The following TEAD1 variants were observed in gnomAD, a reference collection of about 807,000 sequenced individuals.
The protein encoded by TEAD1 is TEA domain transcription factor 1, also known as transcriptional enhancer factor TEF-1.
Under a neutral mutation model 54.9 loss-of-function variants are expected in TEAD1, and 9 were observed. That is an observed-to-expected ratio of 0.16 (90% CI 0.10 to 0.29). The LOEUF (loss-of-function observed/expected upper bound fraction) is 0.29, where lower values mean the gene tolerates loss of function less well. Among genes scored for constraint, TEAD1 ranks in the 10% least tolerant of loss-of-function variants. The pLI, the probability that TEAD1 is intolerant of heterozygous loss-of-function variation, is 1.00. For synonymous variants in TEAD1, 200 were observed against 187.8 expected (o/e 1.07, Z -0.53); for missense variants, 387 against 535.9 (o/e 0.72, Z 2.74).
intron 3 of TEAD1, among the ~76,000 whole-genome samples, chr11:12,765,957 G>C (rs758285282): frequency 3.9e-5 from 6 of 152,160 alleles, no homozygotes; most frequent in Non-Finnish European, 8.8e-5. Context: ...TGAAAATGCA[G>C]CTCCCTTTCT....
At chr11:12,833,651 T>C (rs1193483914) in intron 3 of TEAD1, among the ~76,000 whole-genome samples, 1 of 152,230 alleles carries the variant, frequency 6.6e-6, no homozygotes, top group Non-Finnish European at 1.5e-5. Context: ...GGTTCCTTTT[T>C]TCCTACAGGA....
intron 2 of TEAD1, among the ~76,000 whole-genome samples, chr11:12,713,301 T>C (rs1313033650): frequency 1.3e-5 from 2 of 152,366 alleles, no homozygotes; most frequent in East Asian, 3.9e-4. Context: ...ATTATAGGCA[T>C]GAGCCATTGT....
chr11:12,695,187 C>T (rs77149402), intron 2 of TEAD1, among the ~76,000 whole-genome samples: 9,124 of 152,228 alleles, frequency 0.06, 946 homozygotes, highest in African/African-American at 0.21. Context: ...CACTAAAAGG[C>T]TCTGATAAGC....
chr11:12,692,600 G>A (rs777722791), intron 2 of TEAD1, among the ~76,000 whole-genome samples: 14 of 151,342 alleles, frequency 9.3e-5, no homozygotes, highest in African/African-American at 2.9e-4. Flanking sequence ...TTTCCCCCCC[G>A]CCCCCGCTTT....
Position 12,731,925 on chromosome 11 carries a change from T to A in TEAD1, c.-54-32254T>A, listed in dbSNP as rs140708420. 5.2e-4 allele frequency among the ~76,000 whole-genome samples: 79 copies of A among 152,284 alleles called. 1 individual carries two copies. Among genetic ancestry groups the A allele is most frequent in the African/African-American group, 1.7e-3 (72 of 41,554 alleles). On this transcript the variant is annotated intron_variant, in intron 2 of 12. Coordinates refer to ENST00000527636, the MANE Select transcript of TEAD1 (RefSeq NM_021961.6). ...CAGTCTCTGGGATCCAGATTGGAGA[T>A]CCTTTCCTTACCCTGAATGCCACAT...
intron 2 of TEAD1, among the ~76,000 whole-genome samples, chr11:12,747,628 G>T (rs1944773876): frequency 6.6e-6 from 1 of 152,206 alleles, no homozygotes; most frequent in Non-Finnish European, 1.5e-5. Context: ...GAGCCACCAC[G>T]CCTGGCCTAT....
intron 2 of TEAD1, among the ~76,000 whole-genome samples, chr11:12,717,671 A>C (rs887137264): frequency 4.6e-5 from 7 of 152,174 alleles, no homozygotes; most frequent in Non-Finnish European, 1.5e-5. Flanking sequence ...AAGTCAAGGA[A>C]GCTTTGTGTG....
chr11:12,693,682 T>C (rs1943514247), intron 2 of TEAD1, among the ~76,000 whole-genome samples: 1 of 152,202 alleles, frequency 6.6e-6, no homozygotes, highest in African/African-American at 2.4e-5. Context: ...GTAACCGTTG[T>C]CCTCCTGTTT....
chr11:12,907,734 TC>T (rs1948545101), intron 10 of TEAD1, among the ~76,000 whole-genome samples: 1 of 152,116 alleles, frequency 6.6e-6, no homozygotes, highest in South Asian at 2.1e-4. Flanking sequence ...ATGTGATGAG[TC>T]CCACTTCACA....
At chr11:12,824,013 C>T (rs1946602403) in intron 3 of TEAD1, among the ~76,000 whole-genome samples, 1 of 152,048 alleles carries the variant, frequency 6.6e-6, no homozygotes, top group Non-Finnish European at 1.5e-5. Context: ...TCCGAGACAC[C>T]AGAAAATGAG....
intron 9 of TEAD1, among the ~76,000 whole-genome samples, chr11:12,884,584 G>A (rs1253242681): frequency 2.0e-5 from 3 of 152,166 alleles, no homozygotes; most frequent in South Asian, 2.1e-4. Flanking sequence ...TCACCAGAGT[G>A]GAGAACCCAC....
intron 3 of TEAD1, among the ~76,000 whole-genome samples, chr11:12,841,083 C>A (rs2134034229): frequency 6.6e-6 from 1 of 152,248 alleles, no homozygotes; most frequent in African/African-American, 2.4e-5. Flanking sequence ...TGGGAAGTTA[C>A]ATTATTTTAT....
At chr11:12,756,074 G>A (rs983245062) in intron 2 of TEAD1, among the ~76,000 whole-genome samples, 1 of 152,162 alleles carries the variant, frequency 6.6e-6, no homozygotes, top group Non-Finnish European at 1.5e-5. Flanking sequence ...TGATGGAGCG[G>A]AGAATTAATC....
rs1943034395 is a variant in TEAD1, at chr11:12,674,584, C to G, written c.-458C>G. ...CCATTCCGCGCGGCGGGGCCCGGGCCCGGGGCGGCCGCGTCCAGGCACAGG... is the reference window on the plus strand; with the variant it reads ...CCATTCCGCGCGGCGGGGCCCGGGCGCGGGGCGGCCGCGTCCAGGCACAGG... On this transcript the variant is annotated 5_prime_UTR_variant, in exon 1 of 13. Coordinates refer to ENST00000527636, the MANE Select transcript of TEAD1 (RefSeq NM_021961.6). The G allele has an allele frequency of 6.6e-6, 1 of 151,024 alleles. No individual in the cohort carries two copies. The highest frequency in any genetic ancestry group is 2.4e-5 in the African/African-American group (1 of 41,288). The allele number at this position is 151,024 out of a possible 1,614,324, so 9.4% of individuals were successfully genotyped here.
At chr11:12,749,224 A>G (rs1944814321) in intron 2 of TEAD1, among the ~76,000 whole-genome samples, 2 of 152,116 alleles carry the variant, frequency 1.3e-5, no homozygotes, top group South Asian at 4.2e-4. Context: ...TTGGATTGAG[A>G]GGGAATCTGC....
chr11:12,724,778 C>T (rs1193097152), intron 2 of TEAD1, among the ~76,000 whole-genome samples: 1 of 152,202 alleles, frequency 6.6e-6, no homozygotes, highest in Non-Finnish European at 1.5e-5. Flanking sequence ...CCTGCCCTCT[C>T]CTCCTCGCCC....
At chr11:12,751,950 A>G (rs995118025) in intron 2 of TEAD1, among the ~76,000 whole-genome samples, 3 of 152,170 alleles carry the variant, frequency 2.0e-5, no homozygotes, top group African/African-American at 7.2e-5. Flanking sequence ...ACCACGAGGT[A>G]AAAAACACAT....
chr11:12,887,681 A>T (rs1948118162), intron 9 of TEAD1, among the ~76,000 whole-genome samples: 2 of 152,206 alleles, frequency 1.3e-5, no homozygotes, highest in African/African-American at 2.4e-5. Context: ...TTTGGCTCTT[A>T]GAGTTTTTGT....
chr11:12,887,658 T>C (rs1255884013), intron 9 of TEAD1, among the ~76,000 whole-genome samples: 20 of 152,242 alleles, frequency 1.3e-4, no homozygotes, highest in Non-Finnish European at 8.8e-5. Context: ...ATTTGTATCA[T>C]GTAGATAGTT....
Sources: gnomAD v4.1 joint callset for allele counts (sites outside exome capture counted in the v4.1 genomes callset) on GRCh38, gnomAD v4.1.1 for gene constraint, MANE v1.5 for transcripts, NCBI Gene and HGNC (gene_info 2026-07-23, HGNC 2026-07-21) for gene names.